The following RRAS2 variants were observed in gnomAD, a reference collection of about 807,000 sequenced individuals.
RRAS2 encodes the protein RAS related 2.
A neutral mutation model predicts 27.6 loss-of-function variants in RRAS2; 7 were observed. The ratio of observed to expected loss-of-function variants is 0.25; its 90% CI spans 0.14 to 0.48. The LOEUF (loss-of-function observed/expected upper bound fraction) is 0.48, where lower values mean the gene tolerates loss of function less well. Ranked by LOEUF, RRAS2 falls within the 20% of genes least tolerant of loss-of-function variation. The pLI, the probability that RRAS2 is intolerant of heterozygous loss-of-function variation, is 0.99. For synonymous variants in RRAS2, 86 were observed against 90.9 expected (o/e 0.95, Z 0.31); for missense variants, 178 against 256.2 (o/e 0.69, Z 2.08).
intron 1 of RRAS2, among the ~76,000 whole-genome samples, chr11:14,298,139 A>C (rs11604293): frequency 0.12 from 18,471 of 152,214 alleles, 1,456 homozygotes; most frequent in East Asian, 0.25. Flanking sequence ...TTTCACAAGC[A>C]AATTGGATAA....
chr11:14,302,064 C>CCACACACGTACA (rs1847720992), intron 1 of RRAS2, among the ~76,000 whole-genome samples: 1 of 51,820 alleles, frequency 1.9e-5, no homozygotes, highest in South Asian at 8.3e-4. Context: ...AGTAAATGTA[C>CCACACACGTACA]CACACACATA....
chr11:14,294,103 G>A (rs542855457), intron 4 of RRAS2, among the ~76,000 whole-genome samples: 73 of 152,262 alleles, frequency 4.8e-4, no homozygotes, highest in African/African-American at 1.4e-3. Flanking sequence ...TATTAACACC[G>A]AATAACTTAG....
chr11:14,310,203 G>T (rs951194103), intron 1 of RRAS2, among the ~76,000 whole-genome samples: 11 of 152,232 alleles, frequency 7.2e-5, no homozygotes, highest in African/African-American at 2.7e-4. Flanking sequence ...GCTGCAACAG[G>T]CTGGTGGGGT....
intron 4 of RRAS2, among the ~76,000 whole-genome samples, chr11:14,289,984 C>G (rs1243712493): frequency 3.3e-5 from 5 of 152,206 alleles, no homozygotes; most frequent in Admixed American, 2.0e-4. Flanking sequence ...CAACAGAGAG[C>G]AAGCCAGACT....
chr11:14,358,696 C>T lies in RRAS2; in HGVS notation c.108+67G>A. ...TGGGGCGAGGTCGCGGCGGCCGCCC[C>T]GCCACAGGTAGCGCCAGCCCCCGCC... On this transcript the variant is annotated intron_variant, in intron 1 of 5. Coordinates refer to ENST00000256196, the MANE Select transcript of RRAS2 (RefSeq NM_012250.6). The surrounding 1 kb of genome is among the most constrained non-coding windows in gnomAD (Gnocchi z 5.1). The T allele has an allele frequency of 9.2e-7, 1 of 1,086,354 alleles. No individual in the cohort carries two copies. The highest frequency in any genetic ancestry group is 1.1e-6 in the Non-Finnish European group (1 of 895,346). 67.3% of individuals were successfully genotyped at this position (1,086,354 alleles called of 1,614,324 possible).
Position 14,279,433 on chromosome 11 carries a change from TA to T in RRAS2, c.528-10del. The T allele has an allele frequency of 1.3e-6, 2 of 1,575,744 alleles. No individual in the cohort carries two copies. The highest frequency in any genetic ancestry group is 1.7e-6 in the Non-Finnish European group (2 of 1,145,430). On this transcript the variant is annotated splice_polypyrimidine_tract_variant and intron_variant, in intron 5 of 5. Coordinates refer to ENST00000256196, the MANE Select transcript of RRAS2 (RefSeq NM_012250.6). ...CCTGCTCTTGAAATTTCCTGTAAGA[TA>T]AAAAATTCTAAAATATAATTGCCTT...
chr11:14,335,415 C>T (rs1402524613), intron 1 of RRAS2, among the ~76,000 whole-genome samples: 5 of 152,148 alleles, frequency 3.3e-5, no homozygotes, highest in Non-Finnish European at 4.4e-5. Context: ...ATCTCAAACT[C>T]AACAGGTTCA....
At chr11:14,352,119 T>G (rs781939221) in intron 1 of RRAS2, among the ~76,000 whole-genome samples, 3 of 152,168 alleles carry the variant, frequency 2.0e-5, no homozygotes, top group Non-Finnish European at 2.9e-5. Flanking sequence ...ACACTTATAT[T>G]CTTATTTCTA....
intron 1 of RRAS2, among the ~76,000 whole-genome samples, chr11:14,337,815 G>T (rs1468192982): frequency 6.6e-6 from 1 of 152,094 alleles, no homozygotes; most frequent in African/African-American, 2.4e-5. Context: ...TTTAAAAATT[G>T]TTCTGGGATG....
intron 1 of RRAS2, among the ~76,000 whole-genome samples, chr11:14,314,534 A>T (rs1320826948): frequency 6.6e-6 from 1 of 152,164 alleles, no homozygotes; most frequent in Non-Finnish European, 1.5e-5. Flanking sequence ...TTTCCATTAC[A>T]TTTTTTTCAA....
intron 1 of RRAS2, among the ~76,000 whole-genome samples, chr11:14,352,754 T>TAGAGAG (rs1491413548): frequency 5.9e-5 from 7 of 118,680 alleles, no homozygotes; most frequent in African/African-American, 1.9e-4. Context: ...AATATATATA[T>TAGAGAG]ATAGAGAGAG....
intron 1 of RRAS2, among the ~76,000 whole-genome samples, chr11:14,312,988 T>C (rs782447142): frequency 6.6e-6 from 1 of 152,198 alleles, no homozygotes; most frequent in Non-Finnish European, 1.5e-5. Flanking sequence ...GGACAACCAG[T>C]CTTACTTTTG....
At chr11:14,360,406 T>C (rs989264984), upstream of RRAS2, among the ~76,000 whole-genome samples, 13 of 151,998 alleles carry the variant, frequency 8.6e-5, no homozygotes, top group African/African-American at 3.1e-4. Context: ...TAAAAATCTT[T>C]TTTTTTTCTT....
At chr11:14,322,347 C>T (rs941995536) in intron 1 of RRAS2, among the ~76,000 whole-genome samples, 2 of 151,666 alleles carry the variant, frequency 1.3e-5, no homozygotes, top group Middle Eastern at 3.4e-3. Flanking sequence ...GGCTAAACTA[C>T]GAGGATCACT....
intron 1 of RRAS2, among the ~76,000 whole-genome samples, chr11:14,317,473 A>C (rs1848133804): frequency 6.6e-6 from 1 of 152,096 alleles, no homozygotes; most frequent in South Asian, 2.1e-4. Flanking sequence ...TCAGCTACTC[A>C]GGAGGCTGAG....
chr11:14,311,950 C>T (rs985413003), intron 1 of RRAS2, among the ~76,000 whole-genome samples: 5 of 151,634 alleles, frequency 3.3e-5, no homozygotes, highest in African/African-American at 4.8e-5. Flanking sequence ...CTGCAACCTC[C>T]GCCTCCCAGG....
exon 1 of RRAS2, chr11:14,364,473 A>G: frequency 7.5e-7 from 1 of 1,337,732 alleles, no homozygotes; most frequent in Non-Finnish European, 1.0e-6. Flanking sequence ...GCAGAGAATG[A>G]AACCGCCCAG....
At chr11:14,305,770 C>A (rs1236424793) in intron 1 of RRAS2, among the ~76,000 whole-genome samples, 5 of 152,088 alleles carry the variant, frequency 3.3e-5, no homozygotes, top group African/African-American at 1.2e-4. Flanking sequence ...CTTGGCCGTG[C>A]GCGATGGCTC....
chr11:14,358,107 G>C lies in RRAS2; in HGVS notation c.108+656C>G. On this transcript the variant is annotated intron_variant, in intron 1 of 5. Coordinates refer to ENST00000256196, the MANE Select transcript of RRAS2 (RefSeq NM_012250.6). The surrounding 1 kb of genome is among the most constrained non-coding windows in gnomAD (Gnocchi z 5.1). Reference sequence around the variant, plus strand: ...AGCAGGACGGCATCAGGAATTCCTAGGAAATGGTCTCACCCCATCAGAGAA... The same window carrying C: ...AGCAGGACGGCATCAGGAATTCCTACGAAATGGTCTCACCCCATCAGAGAA... 1.7e-6 allele frequency: 1 copy of C among 577,160 alleles called. No homozygotes were observed. The highest frequency in any genetic ancestry group is 2.2e-6 in the Non-Finnish European group (1 of 456,914). 35.8% of individuals were successfully genotyped at this position (577,160 alleles called of 1,614,324 possible).
Sources: gnomAD v4.1 joint callset for allele counts (sites outside exome capture counted in the v4.1 genomes callset) on GRCh38, gnomAD v4.1.1 for gene constraint, Gnocchi (gnomAD v3.1) non-coding constraint, MANE v1.5 for transcripts, NCBI Gene and HGNC (gene_info 2026-07-23, HGNC 2026-07-21) for gene names.